The following LLGL2 variants were observed in gnomAD, a reference collection of about 807,000 sequenced individuals.
LLGL2 encodes LLGL scribble cell polarity complex component 2, also known as LLGL2, scribble cell polarity complex component.
In LLGL2, 81 loss-of-function variants were observed where a neutral mutation model predicts 123.2. The observed-to-expected ratio is 0.66, with a 90% CI of 0.55 to 0.79. The LOEUF (loss-of-function observed/expected upper bound fraction) is 0.79, where lower values mean the gene tolerates loss of function less well. Ranked by LOEUF, LLGL2 falls within the 30% of genes least tolerant of loss-of-function variation. The pLI, the probability that LLGL2 is intolerant of heterozygous loss-of-function variation, is 0.00. For missense variants in LLGL2, 1,273 were observed against 1,414.6 expected, an observed-to-expected ratio of 0.90 and a Z score of 1.61; for synonymous variants, 577 against 594.1, an observed-to-expected ratio of 0.97 and a Z score of 0.42.
intron 2 of LLGL2, among the ~76,000 whole-genome samples, chr17:75,553,974 A>G (rs1438830927): frequency 6.6e-6 from 1 of 152,166 alleles, no homozygotes; most frequent in Non-Finnish European, 1.5e-5. Context: ...GAATTAGGAT[A>G]TCTACAGGTA....
In LLGL2 at chr17:75,558,430, C is replaced by T; in HGVS notation, c.256-82C>T. The T allele has an allele frequency of 7.7e-7, 1 of 1,294,676 alleles. No individual in the cohort carries two copies. The highest frequency in any genetic ancestry group is 1.1e-6 in the Non-Finnish European group (1 of 932,020). 80.2% of individuals were successfully genotyped at this position (1,294,676 alleles called of 1,614,324 possible). A position where few individuals can be genotyped will look rare whatever the true frequency, so the allele number is the denominator to read the frequency against. ...GGGAGTGGCCAGGGGGTCTTTTAAA[C>T]AACTGGGGCTGCGTGGCCCCAGTGT... On this transcript the variant is annotated intron_variant, in intron 4 of 25. Transcript: ENST00000392550. The surrounding 1 kb of genome is among the most constrained non-coding windows in gnomAD (Gnocchi z 4.0).
rs540119342 is a variant in LLGL2, at chr17:75,558,525, C to T, written c.269C>T (p.Thr90Ile). The T allele has an allele frequency of 5.7e-5, 91 of 1,599,930 alleles. 1 individual carries two copies. In the South Asian group the frequency reaches 9.0e-4, roughly 16 times the overall value. The change falls in exon 5 of 26, where the codon ACC becomes ATC. Residue 90 changes from threonine (T) to isoleucine (I), a missense_variant. Physicochemically the swap from Thr to Ile is moderately conservative, Grantham distance 89. Coordinates refer to ENST00000392550, the MANE Select transcript of LLGL2 (RefSeq NM_001031803.2). This position sits in a 1 kb window ranked among gnomAD's most constrained non-coding sequence, Gnocchi z 4.0. ...HLLPGQCQLV[T>I]LLDDNSLHLW... ...TGCCCTCGCCAGTGCCAGCTGGTCA[C>T]CCTGCTGGATGACAACAGCCTGCAC...
At chr17:75,539,979 T>C (rs774588074) in intron 1 of LLGL2, among the ~76,000 whole-genome samples, 8 of 152,288 alleles carry the variant, frequency 5.3e-5, no homozygotes, top group Middle Eastern at 3.4e-3. Context: ...CTGTATCCCT[T>C]TCCTAGGACA....
intron 2 of LLGL2, among the ~76,000 whole-genome samples, chr17:75,550,678 G>A (rs576758256): frequency 6.6e-6 from 1 of 151,400 alleles, no homozygotes; most frequent in African/African-American, 2.4e-5. Flanking sequence ...CTAGCTACTC[G>A]GGAGACTCAG....
intron 6 of LLGL2, 65 bp from the exon 7 acceptor site, chr17:75,562,940 CCCATGGCTGTG>C: frequency 6.5e-7 from 1 of 1,539,042 alleles, no homozygotes; most frequent in East Asian, 2.3e-5. Flanking sequence ...CATAGGGAGC[CCCATGGCTGTG>C]CCATGCTGGG....
At chr17:75,568,453 CT>C in intron 10 of LLGL2, 22 bp from the exon 11 acceptor site, 1 of 1,608,512 alleles carries the variant, frequency 6.2e-7, no homozygotes, top group African/African-American at 1.3e-5. Flanking sequence ...GCCCCGGCCC[CT>C]GACCCTTGCC....
At chr17:75,532,044 A>G (rs1395122071) in intron 1 of LLGL2, among the ~76,000 whole-genome samples, 1 of 97,454 alleles carries the variant, frequency 1.0e-5, no homozygotes, top group Non-Finnish European at 2.3e-5. Context: ...TAAATTATAT[A>G]TATGTATATA....
intron 1 of LLGL2, among the ~76,000 whole-genome samples, chr17:75,539,530 C>T (rs1201874377): frequency 1.3e-5 from 2 of 150,466 alleles, no homozygotes; most frequent in African/African-American, 4.9e-5. Context: ...AGGAGTGAGC[C>T]ACCGTGCCCA....
intron 19 of LLGL2, among the ~76,000 whole-genome samples, chr17:75,572,703 G>A (rs917700902): frequency 6.7e-6 from 1 of 148,696 alleles, no homozygotes; most frequent in African/African-American, 2.5e-5. Context: ...GTGGACGCCT[G>A]TAATCCCAGC....
rs781172937 is a variant in LLGL2, at chr17:75,568,660, C to T, written c.1221C>T (p.Ala407=). The T allele has an allele frequency of 5.0e-6, 8 of 1,613,906 alleles. No individual in the cohort carries two copies. The highest frequency in any genetic ancestry group is 1.3e-5 in the African/African-American group (1 of 75,066). Residue 407 remains alanine (A), a synonymous_variant, in exon 11 of 26, where the codon GCC becomes GCT. Coordinates refer to ENST00000392550, the MANE Select transcript of LLGL2 (RefSeq NM_001031803.2). ...AGCTGTGGGAGCGGATCATTGCCGC[C>T]GGCAGCCGGCAGAACGCACACTTCT... ...PLKLWERIIA[A]GSRQNAHFST...
Position 75,570,826 on chromosome 17 carries a change from AGGCCTGGCAGGT to A in LLGL2, c.2026-120_2026-109del, listed in dbSNP as rs2055671904. 3 of 1,286,410 alleles carry A rather than the reference AGGCCTGGCAGGT, an allele frequency of 2.3e-6. No homozygotes were observed. In the East Asian group the frequency reaches 7.0e-5, roughly 30 times the overall value. 79.7% of individuals were successfully genotyped at this position (1,286,410 alleles called of 1,614,324 possible). On this transcript the variant is annotated intron_variant, in intron 16 of 25. Coordinates refer to ENST00000392550, the MANE Select transcript of LLGL2 (RefSeq NM_001031803.2). ...CTTGGACAAGGGTCCCTCTAGACGC[AGGCCTGGCAGGT>A]GGCTGGCATGGCTGTGGCCTGCCTT...
In LLGL2 at chr17:75,563,125, G is replaced by A. The variant is rs780882675; in HGVS notation, c.640G>A (p.Val214Ile). The stretch of plus-strand genomic sequence containing the variant: ...GATCGGCTACAGCCGAGGCCTCGTT[G>A]TCATCTGGGACCTACAGGGCAGCCG... ...ILIGYSRGLV[V>I]IWDLQGSRVL... Residue 214 changes from valine (V) to isoleucine (I), a missense_variant, in exon 7 of 26, where the codon GTC (valine) becomes ATC (isoleucine). Physicochemically the swap from Val to Ile is conservative, Grantham distance 29. Coordinates refer to ENST00000392550, the MANE Select transcript of LLGL2 (RefSeq NM_001031803.2). 1 of 1,613,184 alleles carries A rather than the reference G, an allele frequency of 6.2e-7. No homozygotes were observed. The highest frequency in any genetic ancestry group is 8.5e-7 in the Non-Finnish European group (1 of 1,180,042).
rs2055033617 is a variant in LLGL2, at chr17:75,558,695, G to A, written c.371+68G>A. ...TGACCCTTGCCCTTAGCTCTGGAGTGGACTCACCCTTTGTGAGGCCTGTTG... is the reference window on the plus strand; with the variant it reads ...TGACCCTTGCCCTTAGCTCTGGAGTAGACTCACCCTTTGTGAGGCCTGTTG... On this transcript the variant is annotated intron_variant, in intron 5 of 25. Coordinates refer to ENST00000392550, the MANE Select transcript of LLGL2 (RefSeq NM_001031803.2). The surrounding 1 kb of genome is among the most constrained non-coding windows in gnomAD (Gnocchi z 4.0). The A allele has an allele frequency of 1.6e-6, 2 of 1,284,230 alleles. No homozygotes were observed. Among genetic ancestry groups the A allele is most frequent in the Non-Finnish European group, 1.1e-6 (1 of 907,834 alleles). 79.6% of individuals were successfully genotyped at this position (1,284,230 alleles called of 1,614,324 possible). A position where few individuals can be genotyped will look rare whatever the true frequency, so the allele number is the denominator to read the frequency against.
chr17:75,574,148 GGA>G (rs1330023523), intron 22 of LLGL2, 63 bp from the exon 23 acceptor site: 10 of 1,524,430 alleles, frequency 6.6e-6, no homozygotes, highest in African/African-American at 1.4e-5. Context: ...ACCTCAGTAA[GGA>G]GAGAGAGAGC....
rs184509759 is a variant in LLGL2 at position 75,555,101 on chromosome 17, C to T, written c.76-945C>T. Among the ~76,000 whole-genome samples, 55 of 139,920 alleles carry T rather than the reference C, an allele frequency of 3.9e-4. No homozygotes were observed. In the East Asian group the frequency reaches 8.0e-3, roughly 20 times the overall value. 91.8% of individuals were successfully genotyped at this position (139,920 alleles called of 152,430 possible). ...CTGAGGCAGGAGAATGGCATGAACC[C>T]GGGAGGCGGAGCTTGCAGTGAGCCG... is the stretch of plus-strand genomic sequence containing the variant. On this transcript the variant is annotated intron_variant, in intron 2 of 25. Coordinates refer to ENST00000392550, the MANE Select transcript of LLGL2 (RefSeq NM_001031803.2).
At chr17:75,531,071 C>T (rs545074696) in intron 1 of LLGL2, among the ~76,000 whole-genome samples, 18 of 152,262 alleles carry the variant, frequency 1.2e-4, no homozygotes, top group African/African-American at 4.1e-4. Context: ...GCTGGGTACA[C>T]CCTCCTCACC....
intron 2 of LLGL2, among the ~76,000 whole-genome samples, chr17:75,555,580 A>G (rs1020502002): frequency 2.6e-5 from 4 of 152,248 alleles, no homozygotes; most frequent in East Asian, 3.9e-4. Flanking sequence ...AGCCCAGAGC[A>G]GGGCAGGGCC....
intron 10 of LLGL2, chr17:75,567,945 G>C: frequency 1.7e-6 from 1 of 573,246 alleles, no homozygotes; most frequent in Non-Finnish European, 2.2e-6. Context: ...CCTGTCTCGA[G>C]AAAAGAAAAA....
chr17:75,575,037 A>G lies in LLGL2; in HGVS notation c.*159A>G. 9.9e-7 allele frequency: 1 copy of G among 1,008,514 alleles called. No individual in the cohort carries two copies. Among genetic ancestry groups the G allele is most frequent in the South Asian group, 1.3e-5 (1 of 78,106 alleles). 62.5% of individuals were successfully genotyped at this position (1,008,514 alleles called of 1,614,324 possible). On this transcript the variant is annotated 3_prime_UTR_variant, in exon 26 of 26. Coordinates refer to ENST00000392550, the MANE Select transcript of LLGL2 (RefSeq NM_001031803.2). ...GCTGCTCTGGGCCTCGGGAGAGGAGAGACCCCAGTCCCCTGGGCTGCCCTT... is the reference window on the plus strand; with the variant it reads ...GCTGCTCTGGGCCTCGGGAGAGGAGGGACCCCAGTCCCCTGGGCTGCCCTT...
Sources: gnomAD v4.1 joint callset for allele counts (sites outside exome capture counted in the v4.1 genomes callset) on GRCh38, gnomAD v4.1.1 for gene constraint, Gnocchi (gnomAD v3.1) non-coding constraint, MANE v1.5 for transcripts, NCBI Gene and HGNC (gene_info 2026-07-23, HGNC 2026-07-21) for gene names.